The following IL22RA1 variants were observed in gnomAD, a reference collection of about 807,000 sequenced individuals.
IL22RA1 encodes interleukin 22 receptor subunit alpha 1, also known as interleukin-22 receptor subunit alpha-1.
Under a neutral mutation model 32.8 loss-of-function variants are expected in IL22RA1, and 25 were observed. The ratio of observed to expected loss-of-function variants is 0.76; its 90% CI spans 0.55 to 1.06. The LOEUF (loss-of-function observed/expected upper bound fraction) is 1.06, where lower values mean the gene tolerates loss of function less well. IL22RA1 is among the 50% of genes least tolerant of loss of function. The pLI, the probability that IL22RA1 is intolerant of heterozygous loss-of-function variation, is 0.00. For synonymous variants in IL22RA1, 305 were observed against 305.0 expected (o/e 1.00, Z 0.00); for missense variants, 709 against 727.4 (o/e 0.97, Z 0.29).
At chr1:24,124,168 G>T (rs1174098993) in intron 5 of IL22RA1, among the ~76,000 whole-genome samples, 1 of 152,162 alleles carries the variant, frequency 6.6e-6, no homozygotes, top group African/African-American at 2.4e-5. Context: ...CTTCTAAAGT[G>T]CTGGGTGCAG....
At chr1:24,129,920 G>A (rs966282240) in intron 4 of IL22RA1, among the ~76,000 whole-genome samples, 2 of 152,052 alleles carry the variant, frequency 1.3e-5, no homozygotes, top group Non-Finnish European at 2.9e-5. Flanking sequence ...AGTTTTTCAC[G>A]ACCTCCATCC....
rs1414587161 is a variant in IL22RA1 at position 24,121,468 on chromosome 1, G to A, written c.1062C>T (p.Asn354=). ...QILSPLSYAP[N]AAPEVGPPSY... ...ATGGGGGCCCGACCTCAGGGGCAGC[G>A]TTTGGGGCATAGGACAGTGGGGAGA... The change falls in exon 7 of 7, where the codon AAC becomes AAT. Residue 354 remains asparagine, a synonymous_variant. Transcript: ENST00000270800. The A allele has an allele frequency of 1.0e-5, 16 of 1,549,124 alleles. No individual in the cohort carries two copies. Among genetic ancestry groups the A allele is most frequent in the African/African-American group, 2.7e-5 (2 of 73,254 alleles).
intron 6 of IL22RA1, 95 bp from the exon 7 acceptor site, chr1:24,121,832 G>T: frequency 1.0e-6 from 1 of 957,118 alleles, no homozygotes; most frequent in Admixed American, 3.4e-5. Context: ...CCATAGGGAG[G>T]CATCTGGGGG....
rs80224603 is a variant in IL22RA1 at position 24,129,316 on chromosome 1, A to C, written c.532-1037T>G. On this transcript the variant is annotated intron_variant, in intron 4 of 6. Coordinates refer to ENST00000270800, the MANE Select transcript of IL22RA1 (RefSeq NM_021258.4). ...GGCTGCTGTGAGCACCGATGTGTGG[A>C]TAACTCCCAAACTTATCTCAGGAAG... Among the ~76,000 whole-genome samples the C allele has an allele frequency of 3.7e-3, 561 of 152,326 alleles. 5 individuals are homozygous for C. Among genetic ancestry groups the C allele is most frequent in the African/African-American group, 0.013 (551 of 41,564 alleles).
rs550113235 is a variant in IL22RA1 at position 24,120,606 on chromosome 1, G to A, written c.*199C>T. On this transcript the variant is annotated 3_prime_UTR_variant, in exon 7 of 7. Transcript: ENST00000270800. ...TGCTCCCCAGAGCTCCCCCGCTGCAGTCCTTATCATGCTGCTTTGCTCCGG... is the reference window on the plus strand; with the variant it reads ...TGCTCCCCAGAGCTCCCCCGCTGCAATCCTTATCATGCTGCTTTGCTCCGG... The A allele has an allele frequency of 5.8e-5, 33 of 571,640 alleles. No homozygotes were observed. Among genetic ancestry groups the A allele is most frequent in the Non-Finnish European group, 9.8e-5 (32 of 324,890 alleles). The allele number at this position is 571,640 out of a possible 1,614,324, so 35.4% of individuals were successfully genotyped here.
intron 4 of IL22RA1, 24 bp downstream of exon 4, chr1:24,134,187 G>C (rs771819896): frequency 2.6e-5 from 41 of 1,582,714 alleles, no homozygotes; most frequent in Non-Finnish European, 3.3e-5. Context: ...GGCAGAGAAA[G>C]ACCAGGGTGC....
At chr1:24,139,674 C>T (rs1345492622) in intron 1 of IL22RA1, among the ~76,000 whole-genome samples, 1 of 152,154 alleles carries the variant, frequency 6.6e-6, no homozygotes. Context: ...GCTGGGACTA[C>T]AGACATGCAC....
chr1:24,137,296 C>T lies in IL22RA1; in HGVS notation c.190G>A (p.Asp64Asn). Residue 64 changes from aspartate (D) to asparagine (N), a missense_variant, in exon 3 of 7, where the codon GAC becomes AAC. Coordinates refer to ENST00000270800, the MANE Select transcript of IL22RA1 (RefSeq NM_021258.4). ...TGACAGCCCTTCTTTGCCACCCAGT[C>T]CCTCTCTCCGTACCTGCAGGTCAGG... ...SIEYKTYGER[D>N]WVAKKGCQRI... 1 of 1,613,972 alleles carries T rather than the reference C, an allele frequency of 6.2e-7. No homozygotes were observed. Among genetic ancestry groups the T allele is most frequent in the Non-Finnish European group, 8.5e-7 (1 of 1,179,944 alleles).
chr1:24,129,615 T>C (rs573131716), intron 4 of IL22RA1, among the ~76,000 whole-genome samples: 1 of 152,296 alleles, frequency 6.6e-6, no homozygotes, highest in South Asian at 2.1e-4. Flanking sequence ...AAATCTTCCT[T>C]TAAAGGGCCA....
At position 24,137,194 on chromosome 1, in the gene IL22RA1, C is replaced by G; in HGVS notation, c.292G>C (p.Ala98Pro). 1.2e-6 allele frequency: 2 copies of G among 1,614,080 alleles called. No homozygotes were observed. The highest frequency in any genetic ancestry group is 1.7e-6 in the Non-Finnish European group (2 of 1,180,026). The change falls in exon 3 of 7, where the codon GCT (alanine) becomes CCT (proline). Residue 98 changes from alanine (A) to proline (P), a missense_variant. Transcript: ENST00000270800. ...GCTGACCGGCCTCCCGCACTGACAGCGGTGACCCTGGCATAGTAGAGCTCC... is the reference window on the plus strand; with the variant it reads ...GCTGACCGGCCTCCCGCACTGACAGGGGTGACCCTGGCATAGTAGAGCTCC... ...LTELYYARVT[A>P]VSAGGRSATK...
intron 1 of IL22RA1, among the ~76,000 whole-genome samples, chr1:24,139,536 C>A (rs1038610289): frequency 6.6e-6 from 1 of 152,062 alleles, no homozygotes; most frequent in African/African-American, 2.4e-5. Flanking sequence ...GTGGCCACAC[C>A]ATTTTTTTGG....
intron 4 of IL22RA1, among the ~76,000 whole-genome samples, chr1:24,132,483 T>C (rs868280344): frequency 3.7e-4 from 56 of 151,720 alleles, no homozygotes; most frequent in African/African-American, 1.2e-3. Flanking sequence ...AGGCGCCCAC[T>C]ACCATGCCCG....
chr1:24,120,665 C>T lies in IL22RA1; in HGVS notation c.*140G>A. The T allele has an allele frequency of 2.6e-6, 2 of 782,968 alleles. No individual in the cohort carries two copies. The highest frequency in any genetic ancestry group is 4.1e-6 in the Non-Finnish European group (2 of 489,416). 48.5% of individuals were successfully genotyped at this position (782,968 alleles called of 1,614,324 possible). A position where few individuals can be genotyped will look rare whatever the true frequency, so the allele number is the denominator to read the frequency against. On this transcript the variant is annotated 3_prime_UTR_variant, in exon 7 of 7. Coordinates refer to ENST00000270800, the MANE Select transcript of IL22RA1 (RefSeq NM_021258.4). ...GCACCCATGGCAGGGGCCCTGCATGCCACTCCCTCTGCTTCTCTCAAGGGC... is the reference window on the plus strand; with the variant it reads ...GCACCCATGGCAGGGGCCCTGCATGTCACTCCCTCTGCTTCTCTCAAGGGC...
chr1:24,129,597 G>C (rs1040162795), intron 4 of IL22RA1, among the ~76,000 whole-genome samples: 2 of 152,148 alleles, frequency 1.3e-5, no homozygotes, highest in South Asian at 4.2e-4. Flanking sequence ...TGCCCTTAAA[G>C]GATCCAGAAA....
chr1:24,137,274 C>T lies in IL22RA1; in HGVS notation c.212G>A (p.Cys71Tyr), dbSNP rs1383114927. 1 of 1,614,058 alleles carries T rather than the reference C, an allele frequency of 6.2e-7. No individual in the cohort carries two copies. The highest frequency in any genetic ancestry group is 8.5e-7 in the Non-Finnish European group (1 of 1,180,042). ...GERDWVAKKG[C>Y]QRITRKSCNL... ...GCAGGACTTCCGGGTGATCCGCTGA[C>T]AGCCCTTCTTTGCCACCCAGTCCCT... is the stretch of plus-strand genomic sequence containing the variant. Residue 71 changes from cysteine (C) to tyrosine (Y), a missense_variant, in exon 3 of 7, where the codon TGT becomes TAT. Transcript: ENST00000270800.
intron 4 of IL22RA1, among the ~76,000 whole-genome samples, chr1:24,132,973 A>G (rs945031864): frequency 6.6e-6 from 1 of 151,770 alleles, no homozygotes; most frequent in Non-Finnish European, 1.5e-5. Context: ...TTGCTGAACA[A>G]TCTGAGCAAG....
intron 3 of IL22RA1, among the ~76,000 whole-genome samples, chr1:24,135,121 C>A (rs1644233533): frequency 6.6e-6 from 1 of 152,082 alleles, no homozygotes; most frequent in Admixed American, 6.5e-5. Flanking sequence ...AGCTGTATGT[C>A]CTCAAAAAGG....
intron 4 of IL22RA1, among the ~76,000 whole-genome samples, 196 bp from the exon 5 acceptor site, chr1:24,128,475 A>T (rs1644180494): frequency 6.6e-6 from 1 of 151,952 alleles, no homozygotes; most frequent in African/African-American, 2.4e-5. Flanking sequence ...TTTCACTTGC[A>T]ATAGTGTCTG....
chr1:24,141,734 C>A (rs550752832), intron 1 of IL22RA1, among the ~76,000 whole-genome samples: 2 of 152,176 alleles, frequency 1.3e-5, no homozygotes, highest in Non-Finnish European at 2.9e-5. Flanking sequence ...TGTGTTGCTT[C>A]GGCACTTCCC....
Sources: gnomAD v4.1 joint callset for allele counts (sites outside exome capture counted in the v4.1 genomes callset) on GRCh38, gnomAD v4.1.1 for gene constraint, MANE v1.5 for transcripts, NCBI Gene and HGNC (gene_info 2026-07-23, HGNC 2026-07-21) for gene names.